The following ERP44 variants were observed in gnomAD, a reference collection of about 807,000 sequenced individuals.
ERP44 encodes endoplasmic reticulum protein 44.
In ERP44, 25 loss-of-function variants were observed where a neutral mutation model predicts 53.4. The observed-to-expected ratio is 0.47, with a 90% CI of 0.34 to 0.65. The LOEUF is 0.65. ERP44 is among the 30% of genes least tolerant of loss of function. ERP44 has a pLI of 0.01. For synonymous variants in ERP44, 145 were observed against 161.2 expected (o/e 0.90, Z 0.76); for missense variants, 338 against 493.2 (o/e 0.69, Z 2.98).
chr9:100,022,895 TATATA>T (rs1451074292), intron 4 of ERP44, among the ~76,000 whole-genome samples: 1 of 152,174 alleles, frequency 6.6e-6, no homozygotes, highest in Non-Finnish European at 1.5e-5. Context: ...TAACTAAGAT[TATATA>T]GCACTTTGGC....
In ERP44 at chr9:100,070,855, C is replaced by G. The variant is rs145958543; in HGVS notation, c.58-10683G>C. Among the ~76,000 whole-genome samples the G allele has an allele frequency of 7.2e-4, 109 of 152,110 alleles. 4 individuals are homozygous for G. In the South Asian group the frequency reaches 0.02, roughly 28 times the overall value. ...TAGCCTATCTTCATTTGGCCTCCCC[C>G]CAGAAGTAGACTCTGAGACAAGGAG... On this transcript the variant is annotated intron_variant, in intron 1 of 11. Coordinates refer to ENST00000262455, the MANE Select transcript of ERP44 (RefSeq NM_015051.3).
At chr9:100,020,862 A>G in intron 5 of ERP44, 131 bp from the exon 6 acceptor site, 1 of 550,358 alleles carries the variant, frequency 1.8e-6, no homozygotes, top group Non-Finnish European at 3.2e-6. Flanking sequence ...ATAAATGCAT[A>G]TTTAGTTTTT....
chr9:100,025,831 C>A (rs1346762369), intron 4 of ERP44, among the ~76,000 whole-genome samples: 1 of 152,066 alleles, frequency 6.6e-6, no homozygotes, highest in Non-Finnish European at 1.5e-5. Flanking sequence ...TCATTACTTG[C>A]AGGTGTTTTT....
chr9:100,003,778 T>C lies in ERP44; in HGVS notation c.1016+2728A>G, dbSNP rs370923305. On this transcript the variant is annotated intron_variant, in intron 10 of 11. Coordinates refer to ENST00000262455, the MANE Select transcript of ERP44 (RefSeq NM_015051.3). ...CACTGGGATGAGCCTGGTGCCTGGGTCCACTGGGATAGGCTGAGTCTGTGG... is the reference window on the plus strand; with the variant it reads ...CACTGGGATGAGCCTGGTGCCTGGGCCCACTGGGATAGGCTGAGTCTGTGG... Among the ~76,000 whole-genome samples, 4 of 151,980 alleles carry C rather than the reference T, an allele frequency of 2.6e-5. No homozygotes were observed. In the East Asian group the frequency reaches 7.8e-4, roughly 30 times the overall value.
At chr9:99,995,974 T>C (rs1404197188) in intron 10 of ERP44, among the ~76,000 whole-genome samples, 1 of 150,372 alleles carries the variant, frequency 6.7e-6, no homozygotes, top group Non-Finnish European at 1.5e-5. Flanking sequence ...TTTTCCATAA[T>C]GACTATACTA....
intron 3 of ERP44, among the ~76,000 whole-genome samples, chr9:100,053,091 A>G (rs1335614842): frequency 6.6e-6 from 1 of 152,182 alleles, no homozygotes; most frequent in Non-Finnish European, 1.5e-5. Flanking sequence ...TGCAAATATT[A>G]GACCTCTCCA....
At chr9:100,053,957 G>T (rs1826063595) in intron 3 of ERP44, among the ~76,000 whole-genome samples, 1 of 152,078 alleles carries the variant, frequency 6.6e-6, no homozygotes. Flanking sequence ...AAAAATATTG[G>T]AAAGCCTGTG....
chr9:99,994,749 G>A (rs912232361), intron 10 of ERP44, among the ~76,000 whole-genome samples: 65 of 152,026 alleles, frequency 4.3e-4, no homozygotes, highest in African/African-American at 1.5e-3. Flanking sequence ...ATACTACACT[G>A]TATTAATTAC....
At chr9:100,048,756 T>C (rs1826004807) in intron 4 of ERP44, among the ~76,000 whole-genome samples, 1 of 152,196 alleles carries the variant, frequency 6.6e-6, no homozygotes, top group Admixed American at 6.5e-5. Context: ...AAGTGAAATA[T>C]GCCAGTCACA....
chr9:100,039,219 T>C (rs1326493114), intron 4 of ERP44, among the ~76,000 whole-genome samples: 1 of 152,190 alleles, frequency 6.6e-6, no homozygotes, highest in Non-Finnish European at 1.5e-5. Flanking sequence ...TTTCATCCAA[T>C]GGCTGCCGAA....
chr9:100,067,169 CTCTCCCTCTCCCTCTCCCTCTCCCCACGG>C (rs1235581453), intron 1 of ERP44, among the ~76,000 whole-genome samples: 8 of 147,898 alleles, frequency 5.4e-5, no homozygotes, highest in South Asian at 4.2e-4. Flanking sequence ...CTCCCTCTCG[CTCTCCCTCTCCCTCTCCCTCTCCCCACGG>C]TCTCCCTCTC....
intron 8 of ERP44, among the ~76,000 whole-genome samples, chr9:100,015,791 G>T (rs953504365): frequency 6.6e-6 from 1 of 152,156 alleles, no homozygotes; most frequent in African/African-American, 2.4e-5. Flanking sequence ...TTCCACCTCA[G>T]ATCATCAGGC....
rs1391720072 is a variant in ERP44, at chr9:99,982,557, C to T, written c.*55G>A. On this transcript the variant is annotated 3_prime_UTR_variant, in exon 12 of 12. Coordinates refer to ENST00000262455, the MANE Select transcript of ERP44 (RefSeq NM_015051.3). ...TTATGAAAATATAGGTTTACTATTT[C>T]CACCACGTAGGTTGATGCTGCTGTT... 2 of 776,732 alleles carry T rather than the reference C, an allele frequency of 2.6e-6. No individual in the cohort carries two copies. Among genetic ancestry groups the T allele is most frequent in the Non-Finnish European group, 3.9e-6 (2 of 510,386 alleles). The allele number at this position is 776,732 out of a possible 1,614,324, so 48.1% of individuals were successfully genotyped here.
chr9:100,039,325 T>G (rs185980088), intron 4 of ERP44, among the ~76,000 whole-genome samples: 1 of 152,256 alleles, frequency 6.6e-6, no homozygotes, highest in African/African-American at 2.4e-5. Context: ...AAATTGAAAT[T>G]ATCTCAAGCA....
At chr9:100,080,073 C>G (rs1245373773) in intron 1 of ERP44, among the ~76,000 whole-genome samples, 1 of 151,944 alleles carries the variant, frequency 6.6e-6, no homozygotes, top group East Asian at 1.9e-4. Context: ...ATAAATAAAT[C>G]CTCTATGGTT....
intron 1 of ERP44, among the ~76,000 whole-genome samples, chr9:100,071,273 C>G (rs1042562127): frequency 6.6e-6 from 1 of 151,938 alleles, no homozygotes; most frequent in Non-Finnish European, 1.5e-5. Flanking sequence ...ATATAACATT[C>G]TTTAGCCCTT....
chr9:100,052,555 A>T (rs375872281), intron 3 of ERP44, 23 bp from the exon 4 acceptor site: 1 of 1,349,652 alleles, frequency 7.4e-7, no homozygotes, highest in Non-Finnish European at 1.0e-6. Context: ...AAGGATGCCA[A>T]TTAGAAATGA....
intron 8 of ERP44, among the ~76,000 whole-genome samples, chr9:100,015,160 A>G (rs1396210857): frequency 1.3e-5 from 2 of 152,180 alleles, no homozygotes; most frequent in African/African-American, 4.8e-5. Flanking sequence ...ACACACAAAT[A>G]TTTGGTCCAT....
intron 1 of ERP44, among the ~76,000 whole-genome samples, chr9:100,084,176 C>T (rs1826456786): frequency 6.6e-6 from 1 of 152,194 alleles, no homozygotes; most frequent in South Asian, 2.1e-4. Flanking sequence ...ATCACAGTCA[C>T]TTAAAAAGTT....
Sources: allele counts gnomAD v4.1 joint callset (sites outside exome capture counted in the v4.1 genomes callset), GRCh38; gene constraint gnomAD v4.1.1; transcripts MANE v1.5; gene names NCBI Gene and HGNC (gene_info 2026-07-23, HGNC 2026-07-21).